ZRANB1: variants seen among roughly 807,000 people sequenced by gnomAD.
ZRANB1 encodes the protein ubiquitin thioesterase ZRANB1.
In ZRANB1, 16 loss-of-function variants were observed where a neutral mutation model predicts 80.5. The ratio of observed to expected loss-of-function variants is 0.20; its 90% confidence interval spans 0.13 to 0.30. The LOEUF is 0.30. ZRANB1 is among the 10% of genes least tolerant of loss of function. ZRANB1 has a pLI of 1.00. For synonymous variants in ZRANB1, 291 were observed against 293.1 expected (o/e 0.99, Z 0.07); for missense variants, 576 against 862.6 (o/e 0.67, Z 4.16).
chr10:124,922,316 TAAAATATATGTATATATA>T, the ZRANB1 span, among the ~76,000 whole-genome samples: 2 of 17,716 alleles, frequency 1.1e-4, no homozygotes, highest in African/African-American at 1.5e-4. Context: ...TATATATATG[TAAAATATATGTATATATA>T]TATTTTTTTT....
rs1242088817 is a variant in ZRANB1 at position 124,983,638 on chromosome 10, G to T, written c.1858G>T (p.Val620Phe). ...TGTCACCATCACATTTTTGCCTCTG[G>T]TTGACAGTGAAAGGAAGCTACTCCA... ...DDVTITFLPL[V>F]DSERKLLHVH... is the part of the protein sequence containing the mutation. The change falls in exon 8 of 9, where the codon GTT becomes TTT. Residue 620 changes from valine (V) to phenylalanine (F), a missense_variant. Around this residue, in one of 3 missense-constraint regions of ZRANB1, gnomAD observed 152 missense variants for 221.9 expected, o/e 0.69. Coordinates refer to ENST00000359653, the MANE Select transcript of ZRANB1 (RefSeq NM_017580.3). This position sits in a 1 kb window ranked among gnomAD's most constrained non-coding sequence, Gnocchi z 6.2. The T allele has an allele frequency of 4.3e-6, 7 of 1,612,248 alleles. No individual in the cohort carries two copies. The highest frequency in any genetic ancestry group is 5.9e-6 in the Non-Finnish European group (7 of 1,179,052).
At chr10:124,922,733 T>C in the ZRANB1 span, among the ~76,000 whole-genome samples, 6 of 151,922 alleles carry the variant, frequency 3.9e-5, no homozygotes, top group East Asian at 1.2e-3. Flanking sequence ...CCTCGTGATC[T>C]GCCCGCCTCT....
At chr10:124,981,608 CA>C (rs1951934621) in intron 5 of ZRANB1, 100 bp from the exon 6 acceptor site, 1 of 1,100,040 alleles carries the variant, frequency 9.1e-7, no homozygotes, top group South Asian at 1.8e-5. Context: ...AATTGTTTCA[CA>C]GACTGCTTAA....
At chr10:124,925,277 T>A in the ZRANB1 span, among the ~76,000 whole-genome samples, 1 of 152,178 alleles carries the variant, frequency 6.6e-6, no homozygotes, top group African/African-American at 2.4e-5. Flanking sequence ...TGTTATTGTC[T>A]GTTTTTTTTT....
At chr10:124,957,927 A>C (rs1018253740) in intron 1 of ZRANB1, among the ~76,000 whole-genome samples, 1 of 152,012 alleles carries the variant, frequency 6.6e-6, no homozygotes, top group African/African-American at 2.4e-5. Flanking sequence ...CGGGGGTTTC[A>C]CCATGTTGGC....
chr10:124,917,435 C>T, the ZRANB1 span, among the ~76,000 whole-genome samples: 4 of 151,572 alleles, frequency 2.6e-5, no homozygotes, highest in East Asian at 5.8e-4. Flanking sequence ...CCGCTGTCGG[C>T]GCTTCCATCT....
At chr10:124,966,475 T>G (rs1487843438) in intron 1 of ZRANB1, 119 bp from the exon 2 acceptor site, 2 of 941,860 alleles carry the variant, frequency 2.1e-6, no homozygotes, top group Non-Finnish European at 3.2e-6. Flanking sequence ...ATTTAAATGA[T>G]GCATCAGGAT....
intron 8 of ZRANB1, 94 bp from the exon 9 acceptor site, chr10:124,984,680 G>GTT: frequency 7.6e-7 from 1 of 1,308,328 alleles, no homozygotes; most frequent in African/African-American, 1.5e-5. Context: ...CTTTTCATGA[G>GTT]TTAGCATACC....
At chr10:124,957,531 T>A (rs1340996490) in intron 1 of ZRANB1, among the ~76,000 whole-genome samples, 1 of 152,178 alleles carries the variant, frequency 6.6e-6, no homozygotes, top group Non-Finnish European at 1.5e-5. Context: ...CTTGGAAAAC[T>A]GAAACTCTGT....
chr10:124,975,944 G>A (rs1198939920), intron 5 of ZRANB1, among the ~76,000 whole-genome samples: 1 of 152,226 alleles, frequency 6.6e-6, no homozygotes, highest in East Asian at 1.9e-4. Context: ...AGAGGAGGTT[G>A]CAGCGAGCCA....
At chr10:124,917,142 G>C in the ZRANB1 span, 1 of 168,182 alleles carries the variant, frequency 5.9e-6, no homozygotes, top group Non-Finnish European at 1.2e-5. Flanking sequence ...GAGGGGCCGG[G>C]CTCGACTCGT....
In ZRANB1 at chr10:124,985,899, T is replaced by G. The variant is rs1311207080; in HGVS notation, c.*907T>G. 8.6e-6 allele frequency: 1 copy of G among 115,992 alleles called. No individual in the cohort carries two copies. The highest frequency in any genetic ancestry group is 2.6e-5 in the African/African-American group (1 of 38,346). 7.2% of individuals were successfully genotyped at this position (115,992 alleles called of 1,614,324 possible). On this transcript the variant is annotated 3_prime_UTR_variant, in exon 9 of 9. Transcript: ENST00000359653. ...TGCCAGAGGGTCTTCGGATTCTTCC[T>G]TCTATCACCTCTGCTCTAAGCAAAT...
chr10:124,934,276 A>G, the ZRANB1 span, among the ~76,000 whole-genome samples: 6 of 150,128 alleles, frequency 4.0e-5, no homozygotes, highest in South Asian at 1.0e-3. Flanking sequence ...GGAAGAGTAC[A>G]GTGTGTTTAG....
Position 124,983,609 on chromosome 10 carries a change from A to G in ZRANB1, c.1829A>G (p.Asp610Gly). The G allele has an allele frequency of 6.2e-7, 1 of 1,613,970 alleles. No individual in the cohort carries two copies. The highest frequency in any genetic ancestry group is 8.5e-7 in the Non-Finnish European group (1 of 1,179,928). ...GCTGGTGCTAATCTCAATACCGATGATGATGTCACCATCACATTTTTGCCT... is the reference window on the plus strand; with the variant it reads ...GCTGGTGCTAATCTCAATACCGATGGTGATGTCACCATCACATTTTTGCCT... ...RGAGANLNTD[D>G]DVTITFLPLV... The change falls in exon 8 of 9, where the codon GAT becomes GGT. Residue 610 changes from aspartate to glycine, a missense_variant. By Grantham distance (94) the Asp-to-Gly change is moderately conservative (BLOSUM62 -1). Transcript: ENST00000359653. The surrounding 1 kb of genome is among the most constrained non-coding windows in gnomAD (Gnocchi z 6.2).
chr10:124,951,246 T>C (rs1427055371), intron 1 of ZRANB1, among the ~76,000 whole-genome samples: 1 of 152,170 alleles, frequency 6.6e-6, no homozygotes, highest in East Asian at 1.9e-4. Context: ...AATGATTTTT[T>C]TAAAAAAAGT....
At chr10:124,967,422 A>G (rs1378767058) in intron 2 of ZRANB1, among the ~76,000 whole-genome samples, 1 of 152,144 alleles carries the variant, frequency 6.6e-6, no homozygotes, top group Admixed American at 6.6e-5. Flanking sequence ...CATGGCTGAG[A>G]TGGTGATTGG....
Position 124,942,229 on chromosome 10 carries a change from A to G in ZRANB1, c.-265A>G, listed in dbSNP as rs1951542297. The G allele has an allele frequency of 2.3e-6, 3 of 1,278,528 alleles. No individual in the cohort carries two copies. The highest frequency in any genetic ancestry group is 7.2e-5 in the East Asian group (2 of 27,922). The allele number at this position is 1,278,528 out of a possible 1,614,324, so 79.2% of individuals were successfully genotyped here. ...CTCCTGCCTATCTCTTTTGCATTCC[A>G]AAGTTCAGTTTTATTAAATCCCAGG... On this transcript the variant is annotated 5_prime_UTR_variant, in exon 1 of 9. Transcript: ENST00000359653.
Position 124,983,566 on chromosome 10 carries a change from G to T in ZRANB1, c.1786G>T (p.Gly596Cys). 1 of 1,614,138 alleles carries T rather than the reference G, an allele frequency of 6.2e-7. No homozygotes were observed. The highest frequency in any genetic ancestry group is 8.5e-7 in the Non-Finnish European group (1 of 1,179,996). The change falls in exon 8 of 9, where the codon GGC (glycine) becomes TGC (cysteine). Residue 596 changes from glycine to cysteine, a missense_variant. By Grantham distance (159) the Gly-to-Cys change is radical. This residue lies in a region of ZRANB1 where 152 missense variants were observed against 221.9 expected (regional missense o/e 0.69). Transcript: ENST00000359653. This position sits in a 1 kb window ranked among gnomAD's most constrained non-coding sequence, Gnocchi z 6.2. ...TGCTTTGGTTGCCATGGAAAATGAT[G>T]GCTATGGCAACCGAGGTGCTGGTGC... ...FSALVAMEND[G>C]YGNRGAGANL...
At chr10:124,954,850 CCGGGCA>C (rs1951676200) in intron 1 of ZRANB1, among the ~76,000 whole-genome samples, 1 of 151,604 alleles carries the variant, frequency 6.6e-6, no homozygotes, top group African/African-American at 2.4e-5. Flanking sequence ...GTCTAATTGG[CCGGGCA>C]CGGTTTCTCA....
Sources: allele counts gnomAD v4.1 joint callset (sites outside exome capture counted in the v4.1 genomes callset), GRCh38; gene constraint gnomAD v4.1.1; regional missense constraint gnomAD v4.1.1; non-coding constraint Gnocchi (gnomAD v3.1); transcripts MANE v1.5; gene names NCBI Gene and HGNC (gene_info 2026-07-23, HGNC 2026-07-21).